Variants in RREB1 observed in about 807,000 individuals in gnomAD.
RREB1 encodes the protein ras-responsive element-binding protein 1.
A neutral mutation model predicts 117.8 loss-of-function variants in RREB1; 27 were observed. The observed-to-expected ratio is 0.23, with a 90% CI of 0.17 to 0.32. The LOEUF is 0.32. Among genes scored for constraint, RREB1 ranks in the 10% least tolerant of loss-of-function variants. The pLI, the probability that RREB1 is intolerant of heterozygous loss-of-function variation, is 1.00. For missense variants in RREB1, 2,577 were observed against 2,378.2 expected, an observed-to-expected ratio of 1.08 and a Z score of -1.74; for synonymous variants, 1,298 against 1,026.7, an observed-to-expected ratio of 1.26 and a Z score of -5.05.
intron 6 of RREB1, among the ~76,000 whole-genome samples, chr6:7,190,917 T>C (rs1419527275): frequency 6.6e-6 from 1 of 152,216 alleles, no homozygotes; most frequent in Non-Finnish European, 1.5e-5. Flanking sequence ...ATGGGCCAGC[T>C]CCAAGTTGGC....
intron 6 of RREB1, 22 bp downstream of exon 6, chr6:7,189,344 T>C: frequency 6.5e-7 from 1 of 1,548,908 alleles, no homozygotes; most frequent in Non-Finnish European, 8.7e-7. Context: ...CGCCCTTTGC[T>C]TGGGGGGTTG....
intron 1 of RREB1, among the ~76,000 whole-genome samples, 182 bp downstream of exon 1, chr6:7,108,242 G>C (rs1417682726): frequency 6.6e-6 from 1 of 152,124 alleles, no homozygotes; most frequent in Non-Finnish European, 1.5e-5. Context: ...ACTCCGCGCA[G>C]CGTGCGCTCG....
Position 7,126,875 on chromosome 6 carries a change from C to T in RREB1, c.-285+18815C>T, listed in dbSNP as rs543374246. ...GTAAAACATGGTCCCTGCCCTAAAA[C>T]TCGTCAGTGCCTCATAACCAGCAAG... is the stretch of plus-strand genomic sequence containing the variant. On this transcript the variant is annotated intron_variant, in intron 1 of 12. Coordinates refer to ENST00000379938, the MANE Select transcript of RREB1 (RefSeq NM_001003699.4). Among the ~76,000 whole-genome samples, 3 of 152,284 alleles carry T rather than the reference C, an allele frequency of 2.0e-5. No homozygotes were observed. The East Asian group carries it at 5.8e-4, about 29-fold the overall frequency.
At chr6:7,129,110 A>G (rs1384529279) in intron 1 of RREB1, among the ~76,000 whole-genome samples, 1 of 152,082 alleles carries the variant, frequency 6.6e-6, no homozygotes, top group Non-Finnish European at 1.5e-5. Context: ...AGTTGACATT[A>G]TGAAAGGAAT....
At chr6:7,169,199 A>G (rs1015620022) in intron 1 of RREB1, among the ~76,000 whole-genome samples, 3 of 152,218 alleles carry the variant, frequency 2.0e-5, no homozygotes, top group African/African-American at 7.2e-5. Context: ...CTGATAAGCC[A>G]GGAGAGCAGA....
chr6:7,201,371 T>G (rs927641442), intron 6 of RREB1, among the ~76,000 whole-genome samples: 2 of 152,170 alleles, frequency 1.3e-5, no homozygotes, highest in Admixed American at 1.3e-4. Context: ...CGCCTTTGTT[T>G]AAATATCCAA....
chr6:7,170,152 C>A (rs756908448), intron 1 of RREB1, among the ~76,000 whole-genome samples: 1 of 152,166 alleles, frequency 6.6e-6, no homozygotes, highest in Non-Finnish European at 1.5e-5. Flanking sequence ...TAATAAAATG[C>A]TCCAGGTCAA....
chr6:7,164,782 A>T (rs953601536), intron 1 of RREB1, among the ~76,000 whole-genome samples: 2 of 152,224 alleles, frequency 1.3e-5, no homozygotes, highest in Non-Finnish European at 2.9e-5. Context: ...TTGGGAGGAA[A>T]ATCAAAGACC....
chr6:7,242,702 G>GGT (rs1041510119), intron 11 of RREB1, among the ~76,000 whole-genome samples: 2 of 145,438 alleles, frequency 1.4e-5, no homozygotes, highest in South Asian at 2.2e-4. Context: ...TAAAAAAAAG[G>GGT]GGGGGGGGGA....
intron 1 of RREB1, among the ~76,000 whole-genome samples, chr6:7,148,827 A>G (rs989963844): frequency 6.6e-6 from 1 of 152,236 alleles, no homozygotes; most frequent in Non-Finnish European, 1.5e-5. Context: ...ATAGTCAGAC[A>G]TATACTAAAA....
chr6:7,215,639 C>T (rs540941495), intron 8 of RREB1: 8 of 152,236 alleles, frequency 5.3e-5, no homozygotes, highest in South Asian at 2.1e-4. Flanking sequence ...CCTGCCTGGC[C>T]CTAGTAGTCA....
chr6:7,172,882 TCGTGGAACA>T (rs1449370669), intron 1 of RREB1, among the ~76,000 whole-genome samples: 2 of 152,232 alleles, frequency 1.3e-5, no homozygotes, highest in Admixed American at 1.3e-4. Context: ...GGCATGGCCC[TCGTGGAACA>T]TTTAGCCTGG....
intron 10 of RREB1, among the ~76,000 whole-genome samples, chr6:7,237,398 TA>T (rs1407929080): frequency 5.3e-5 from 8 of 151,446 alleles, no homozygotes; most frequent in African/African-American, 1.7e-4. Flanking sequence ...TTTTTTTTAT[TA>T]TTATTTGTTA....
At chr6:7,187,396 A>G in intron 4 of RREB1, 38 bp from the exon 5 acceptor site, 1 of 1,287,704 alleles carries the variant, frequency 7.8e-7, no homozygotes, top group African/African-American at 1.5e-5. Context: ...GTTGACTGTG[A>G]GTTGAAATTT....
At chr6:7,228,168 A>G (rs1298247458) in intron 9 of RREB1, among the ~76,000 whole-genome samples, 14 of 152,160 alleles carry the variant, frequency 9.2e-5, no homozygotes, top group Admixed American at 9.2e-4. Context: ...TACAAACTCA[A>G]TGGATTGTTC....
At chr6:7,129,281 A>C (rs1459347957) in intron 1 of RREB1, among the ~76,000 whole-genome samples, 2 of 152,224 alleles carry the variant, frequency 1.3e-5, no homozygotes, top group Non-Finnish European at 2.9e-5. Context: ...TTTGGTGTTG[A>C]GGAAGGTGTC....
In RREB1 at chr6:7,231,299, C is replaced by T; in HGVS notation, c.3200C>T (p.Ser1067Phe). 6.2e-7 allele frequency: 1 copy of T among 1,609,152 alleles called. No homozygotes were observed. Among genetic ancestry groups the T allele is most frequent in the Non-Finnish European group, 8.5e-7 (1 of 1,177,212 alleles). Residue 1067 changes from serine (S) to phenylalanine (F), a missense_variant, in exon 10 of 13, where the codon TCC becomes TTC. Coordinates refer to ENST00000379938, the MANE Select transcript of RREB1 (RefSeq NM_001003699.4). ...PVTEELPPLA[S>F]IAQIISSVSS... ...ACAGAAGAGCTGCCCCCGCTGGCCT[C>T]CATTGCCCAGATCATCTCATCTGTA... is the stretch of plus-strand genomic sequence containing the variant.
intron 1 of RREB1, among the ~76,000 whole-genome samples, chr6:7,135,532 T>C (rs1308593380): frequency 6.6e-6 from 1 of 152,184 alleles, no homozygotes; most frequent in Non-Finnish European, 1.5e-5. Flanking sequence ...AGCTGATGCC[T>C]CTTTCATTGC....
At chr6:7,153,976 G>A (rs914079291) in intron 1 of RREB1, among the ~76,000 whole-genome samples, 3 of 152,228 alleles carry the variant, frequency 2.0e-5, no homozygotes, top group Admixed American at 6.5e-5. Flanking sequence ...TTGAAAGGCT[G>A]CAGTCTGGAA....
Sources: gnomAD v4.1 joint callset for allele counts (sites outside exome capture counted in the v4.1 genomes callset) on GRCh38, gnomAD v4.1.1 for gene constraint, MANE v1.5 for transcripts, NCBI Gene and HGNC (gene_info 2026-07-23, HGNC 2026-07-21) for gene names.